MTHFS: variants seen among roughly 807,000 people sequenced by gnomAD.
The protein encoded by MTHFS is methenyltetrahydrofolate synthetase.
Under a neutral mutation model 12.7 loss-of-function variants are expected in MTHFS, and 7 were observed. The ratio of observed to expected loss-of-function variants is 0.55; its 90% CI spans 0.31 to 1.03. The LOEUF is 1.03. MTHFS is among the 50% of genes least tolerant of loss of function. The probability of loss-of-function intolerance (pLI) is 0.05; values close to 1 mark genes in which losing one functional copy is unlikely to be tolerated. For synonymous variants in MTHFS, 100 were observed against 97.1 expected, an observed-to-expected ratio of 1.03 and a Z score of -0.18; for missense variants, 252 against 258.1, an observed-to-expected ratio of 0.98 and a Z score of 0.16.
At chr15:79,853,617 A>G (rs1335136171) in intron 2 of MTHFS, among the ~76,000 whole-genome samples, 1 of 152,160 alleles carries the variant, frequency 6.6e-6, no homozygotes, top group African/African-American at 2.4e-5. Flanking sequence ...TAATACTAAC[A>G]CTACAAGAGC....
chr15:79,864,366 GA>G (rs2033968943), intron 2 of MTHFS, among the ~76,000 whole-genome samples: 1 of 151,830 alleles, frequency 6.6e-6, no homozygotes. Flanking sequence ...CCAACATGGT[GA>G]AACCCCATAT....
intron 2 of MTHFS, among the ~76,000 whole-genome samples, chr15:79,858,227 C>G (rs1207562674): frequency 6.6e-6 from 1 of 151,986 alleles, no homozygotes; most frequent in African/African-American, 2.4e-5. Flanking sequence ...ACAACCTGGT[C>G]AGCTAAAAAT....
chr15:79,848,245 CA>C (rs2033653517), intron 2 of MTHFS, among the ~76,000 whole-genome samples: 1 of 152,110 alleles, frequency 6.6e-6, no homozygotes. Flanking sequence ...AAGTCAGCCA[CA>C]AAAAGACAAA....
At chr15:79,868,427 T>C (rs537900595) in intron 2 of MTHFS, among the ~76,000 whole-genome samples, 3 of 152,316 alleles carry the variant, frequency 2.0e-5, no homozygotes, top group East Asian at 1.9e-4. Context: ...GCACGTACTA[T>C]GAAGGGTTTG....
At chr15:79,884,227 C>T (rs1001352858) in intron 2 of MTHFS, among the ~76,000 whole-genome samples, 2 of 152,138 alleles carry the variant, frequency 1.3e-5, no homozygotes, top group African/African-American at 4.8e-5. Context: ...TTCTCAAATC[C>T]GTATTTTCCA....
At chr15:79,896,511 T>C (rs1422535715) in intron 1 of MTHFS, among the ~76,000 whole-genome samples, 1 of 152,190 alleles carries the variant, frequency 6.6e-6, no homozygotes, top group Non-Finnish European at 1.5e-5. Flanking sequence ...ACCACAACTT[T>C]CTGTTCTCAC....
chr15:79,858,817 T>G (rs2033857005), intron 2 of MTHFS, among the ~76,000 whole-genome samples: 1 of 152,246 alleles, frequency 6.6e-6, no homozygotes, highest in Admixed American at 6.5e-5. Context: ...TTTTATTTTA[T>G]CAAACTTAAG....
chr15:79,887,991 G>A (rs1318845691), intron 2 of MTHFS, among the ~76,000 whole-genome samples: 1 of 152,010 alleles, frequency 6.6e-6, no homozygotes, highest in Non-Finnish European at 1.5e-5. Context: ...ATATTGGAAG[G>A]GGCAGAAACT....
At chr15:79,889,042 G>C (rs1201990164) in intron 2 of MTHFS, 51 bp downstream of exon 2, 1 of 1,596,296 alleles carries the variant, frequency 6.3e-7, no homozygotes, top group South Asian at 1.1e-5. Context: ...GTGGATCTGA[G>C]ATCTAACAAC....
intron 1 of MTHFS, 151 bp downstream of exon 1, chr15:79,896,721 C>T: frequency 1.3e-6 from 1 of 752,148 alleles, no homozygotes; most frequent in Non-Finnish European, 1.7e-6. Flanking sequence ...AGGGGGCGTG[C>T]GCGCGCCGGG....
chr15:79,869,897 A>T (rs887376885), intron 2 of MTHFS, among the ~76,000 whole-genome samples: 2 of 152,210 alleles, frequency 1.3e-5, no homozygotes, highest in African/African-American at 4.8e-5. Flanking sequence ...TAAAAAGATG[A>T]GAGAAATATA....
At chr15:79,859,633 C>T (rs557832288) in intron 2 of MTHFS, among the ~76,000 whole-genome samples, 3 of 152,146 alleles carry the variant, frequency 2.0e-5, no homozygotes, top group East Asian at 1.9e-4. Context: ...GCTTGGCCAA[C>T]ATGGTGAAGG....
intron 2 of MTHFS, among the ~76,000 whole-genome samples, chr15:79,856,519 A>AG (rs2033806190): frequency 6.6e-6 from 1 of 152,250 alleles, no homozygotes; most frequent in Non-Finnish European, 1.5e-5. Flanking sequence ...ACACAAAAAA[A>AG]CAAACATTAT....
At chr15:79,851,784 G>A (rs1352353247) in intron 2 of MTHFS, among the ~76,000 whole-genome samples, 1 of 152,168 alleles carries the variant, frequency 6.6e-6, no homozygotes, top group Non-Finnish European at 1.5e-5. Flanking sequence ...AATATACATG[G>A]TTCCTATTAC....
At position 79,884,519 on chromosome 15, in the gene MTHFS, T is replaced by A. The variant is rs142088197; in HGVS notation, c.379+4574A>T. Among the ~76,000 whole-genome samples the A allele has an allele frequency of 9.2e-3, 1,402 of 152,254 alleles. 31 individuals carry two copies. The highest frequency in any genetic ancestry group is 0.033 in the African/African-American group (1,351 of 41,540). On this transcript the variant is annotated intron_variant, in intron 2 of 2. Coordinates refer to ENST00000258874, the MANE Select transcript of MTHFS (RefSeq NM_006441.4). Reference sequence around the variant, plus strand: ...ATATGGCCAGGAAACCAATTTAAAGTTTATTCCAATGGAACAGATATGAAG... The same window carrying A: ...ATATGGCCAGGAAACCAATTTAAAGATTATTCCAATGGAACAGATATGAAG...
intron 1 of MTHFS, among the ~76,000 whole-genome samples, chr15:79,893,478 C>T (rs375557157): frequency 8.8e-4 from 134 of 151,932 alleles, no homozygotes; most frequent in African/African-American, 3.1e-3. Context: ...GCAGGCGGAT[C>T]ACGAGGTCAG....
chr15:79,874,793 C>T (rs1433011960), intron 2 of MTHFS, among the ~76,000 whole-genome samples: 1 of 152,130 alleles, frequency 6.6e-6, no homozygotes, highest in Non-Finnish European at 1.5e-5. Context: ...GATATTTCTC[C>T]TATTCGCTTT....
At chr15:79,883,925 T>C (rs1286673907) in intron 2 of MTHFS, among the ~76,000 whole-genome samples, 1 of 152,146 alleles carries the variant, frequency 6.6e-6, no homozygotes, top group African/African-American at 2.4e-5. Flanking sequence ...GAAAATGGTA[T>C]AAACAAAATC....
Position 79,845,143 on chromosome 15 carries a change from G to GA in MTHFS, c.*66dup, listed in dbSNP as rs2033585625. 33 of 1,570,722 alleles carry GA rather than the reference G, an allele frequency of 2.1e-5. No individual in the cohort carries two copies. Among genetic ancestry groups the GA allele is most frequent in the Non-Finnish European group, 2.7e-5 (31 of 1,156,310 alleles). Reference sequence around the variant, plus strand: ...CAATTTCAACTAATTTTTGACAAGGGAAAAATACACATACTTTGCTTTACT... The same window carrying GA: ...CAATTTCAACTAATTTTTGACAAGGGAAAAAATACACATACTTTGCTTTACT... On this transcript the variant is annotated 3_prime_UTR_variant, in exon 3 of 3. Transcript: ENST00000258874.
Sources: allele counts gnomAD v4.1 joint callset (sites outside exome capture counted in the v4.1 genomes callset), GRCh38; gene constraint gnomAD v4.1.1; transcripts MANE v1.5; gene names NCBI Gene and HGNC (gene_info 2026-07-23, HGNC 2026-07-21).